The following CNTN6 variants were observed in gnomAD, a reference collection of about 807,000 sequenced individuals.
CNTN6 encodes the protein contactin 6.
In CNTN6, 137 loss-of-function variants were observed where a neutral mutation model predicts 122.8. That is an observed-to-expected ratio of 1.12 (90% confidence interval 0.97 to 1.29). The LOEUF (loss-of-function observed/expected upper bound fraction) is 1.29. CNTN6 is among the 50% of genes most tolerant of loss of function. CNTN6 has a pLI of 0.00. For synonymous variants in CNTN6, 570 were observed against 426.0 expected (o/e 1.34, Z -4.16); for missense variants, 1,634 against 1,223.4 (o/e 1.34, Z -5.01).
At chr3:1,097,415 T>C (rs74409048) in intron 1 of CNTN6, among the ~76,000 whole-genome samples, 5,453 of 152,296 alleles carry the variant, frequency 0.036, 335 homozygotes, top group African/African-American at 0.12. Flanking sequence ...TTCCCTATAT[T>C]TCAAATCCTT....
At chr3:1,295,294 T>A (rs1482042033) in intron 5 of CNTN6, among the ~76,000 whole-genome samples, 1 of 152,218 alleles carries the variant, frequency 6.6e-6, no homozygotes, top group Non-Finnish European at 1.5e-5. Flanking sequence ...ACAGTTATTA[T>A]TTTATACGTC....
chr3:1,307,553 T>C, intron 7 of CNTN6, among the ~76,000 whole-genome samples: 1 of 152,150 alleles, frequency 6.6e-6, no homozygotes, highest in East Asian at 1.9e-4. Context: ...CCAATACTGA[T>C]GTCTGATTAT....
At chr3:1,171,058 G>A (rs2093350211) in intron 2 of CNTN6, among the ~76,000 whole-genome samples, 1 of 152,190 alleles carries the variant, frequency 6.6e-6, no homozygotes, top group African/African-American at 2.4e-5. Context: ...AATGGCCAAT[G>A]CCATTGGCAA....
intron 1 of CNTN6, among the ~76,000 whole-genome samples, chr3:1,095,490 CAG>C (rs1405350293): frequency 6.6e-6 from 1 of 151,772 alleles, no homozygotes; most frequent in Non-Finnish European, 1.5e-5. Flanking sequence ...AACAAACAAA[CAG>C]AAAACAGAAA....
At chr3:1,116,082 A>G (rs1367878440) in intron 1 of CNTN6, among the ~76,000 whole-genome samples, 1 of 152,204 alleles carries the variant, frequency 6.6e-6, no homozygotes, top group Non-Finnish European at 1.5e-5. Flanking sequence ...TTCCAAAATT[A>G]TGTAAAATTT....
At position 1,402,327 on chromosome 3, in the gene CNTN6, C is replaced by G. The variant is rs199511327; in HGVS notation, c.2827C>G (p.Arg943Gly). Residue 943 changes from arginine (R) to glycine (G), a missense_variant, in exon 22 of 23, where the codon CGG (arginine) becomes GGG (glycine). By Grantham distance (125) the Arg-to-Gly change is moderately radical. Coordinates refer to ENST00000446702, the MANE Select transcript of CNTN6 (RefSeq NM_001289080.2). ...SEVLGYKILY[R>G]QNRQSKTHIL... ...ACCTCATTTTATTCAGATTCTGTAC[C>G]GGCAAAACAGACAGAGTAAAACTCA... 6.2e-7 allele frequency: 1 copy of G among 1,605,962 alleles called. No homozygotes were observed. Among genetic ancestry groups the G allele is most frequent in the Non-Finnish European group, 8.5e-7 (1 of 1,175,870 alleles).
chr3:1,244,282 G>T (rs1430761240), intron 4 of CNTN6, among the ~76,000 whole-genome samples: 2 of 152,166 alleles, frequency 1.3e-5, no homozygotes, highest in Non-Finnish European at 2.9e-5. Flanking sequence ...CCAGAGAAAA[G>T]AGAGCGTAGA....
chr3:1,289,651 C>T (rs1240464551), intron 5 of CNTN6, among the ~76,000 whole-genome samples: 2 of 146,984 alleles, frequency 1.4e-5, no homozygotes, highest in Non-Finnish European at 3.0e-5. Context: ...TGAGTTTTAT[C>T]TTTTGTTTTG....
intron 4 of CNTN6, among the ~76,000 whole-genome samples, chr3:1,254,279 A>G (rs1575436787): frequency 1.3e-5 from 2 of 152,130 alleles, no homozygotes; most frequent in East Asian, 3.9e-4. Flanking sequence ...GTCTTTGTTT[A>G]TAATATTTAT....
chr3:1,243,588 G>A (rs377385562), intron 4 of CNTN6, among the ~76,000 whole-genome samples: 7,403 of 149,560 alleles, frequency 0.049, 261 homozygotes, highest in East Asian at 0.13. Context: ...TTGCTGCCGA[G>A]CGAGCCATGA....
chr3:1,384,689 C>CAG (rs1692492622), intron 19 of CNTN6, among the ~76,000 whole-genome samples: 3 of 65,152 alleles, frequency 4.6e-5, no homozygotes, highest in Non-Finnish European at 9.4e-5. Flanking sequence ...TATATATATA[C>CAG]ACACACACAC....
At position 1,282,188 on chromosome 3, in the gene CNTN6, G is replaced by T. The variant is rs940549769; in HGVS notation, c.454+3680G>T. On this transcript the variant is annotated intron_variant, in intron 5 of 22. Transcript: ENST00000446702. ...TAATCAACAGAAACCAAATAAACAGGTACTTTTATAGAGCTGTCCTTTCTT... is the reference window on the plus strand; with the variant it reads ...TAATCAACAGAAACCAAATAAACAGTTACTTTTATAGAGCTGTCCTTTCTT... Among the ~76,000 whole-genome samples the T allele has an allele frequency of 8.6e-4, 131 of 152,108 alleles. 1 individual carries two copies. The highest frequency in any genetic ancestry group is 3.1e-3 in the African/African-American group (128 of 41,438).
intron 11 of CNTN6, among the ~76,000 whole-genome samples, chr3:1,348,109 C>T (rs919962161): frequency 7.3e-6 from 1 of 137,506 alleles, no homozygotes; most frequent in African/African-American, 2.9e-5. Flanking sequence ...ATCAATTAAT[C>T]CTCATGACTC....
chr3:1,112,098 C>T (rs1237023295), intron 1 of CNTN6, among the ~76,000 whole-genome samples: 2 of 152,078 alleles, frequency 1.3e-5, no homozygotes, highest in South Asian at 2.1e-4. Context: ...CTATATTATT[C>T]AGTTTATCAG....
intron 8 of CNTN6, among the ~76,000 whole-genome samples, 164 bp downstream of exon 8, chr3:1,321,998 C>T (rs1700929565): frequency 6.6e-6 from 1 of 150,898 alleles, no homozygotes; most frequent in African/African-American, 2.4e-5. Flanking sequence ...TGGGAATGAC[C>T]ACCTTTAAAA....
chr3:1,337,608 T>G lies in CNTN6; in HGVS notation c.1364+7673T>G, dbSNP rs558877209. 2.0e-5 allele frequency among the ~76,000 whole-genome samples: 3 copies of G among 152,282 alleles called. No individual in the cohort carries two copies. In the South Asian group the frequency reaches 6.2e-4, roughly 32 times the overall value. On this transcript the variant is annotated intron_variant, in intron 11 of 22. Transcript: ENST00000446702. Reference sequence around the variant, plus strand: ...CTTAGTACGTCAGGTAGCATGAGTATCAAACAGGCAAATGAACCATATGTT... The same window carrying G: ...CTTAGTACGTCAGGTAGCATGAGTAGCAAACAGGCAAATGAACCATATGTT...
chr3:1,200,841 T>C (rs1377351497), intron 2 of CNTN6, among the ~76,000 whole-genome samples: 1 of 152,170 alleles, frequency 6.6e-6, no homozygotes, highest in Non-Finnish European at 1.5e-5. Context: ...TTGACTTCTC[T>C]AAATACTCCT....
Position 1,355,033 on chromosome 3 carries a change from G to C in CNTN6, c.1492+2582G>C, listed in dbSNP as rs116706660. Among the ~76,000 whole-genome samples, 859 of 151,574 alleles carry C rather than the reference G, an allele frequency of 5.7e-3. 4 individuals are homozygous for C. Among genetic ancestry groups the C allele is most frequent in the African/African-American group, 0.02 (828 of 41,448 alleles). ...ACTCACATATACAAAAAGGGTACAT[G>C]ATAACATAACTGATGTCACTATGCC... On this transcript the variant is annotated intron_variant, in intron 12 of 22. Coordinates refer to ENST00000446702, the MANE Select transcript of CNTN6 (RefSeq NM_001289080.2).
At chr3:1,276,948 T>G (rs539532765) in intron 4 of CNTN6, among the ~76,000 whole-genome samples, 34 of 152,324 alleles carry the variant, frequency 2.2e-4, no homozygotes, top group African/African-American at 7.2e-4. Context: ...ATTGGCAATT[T>G]GGCAATTTAG....
Sources: gnomAD v4.1 joint callset for allele counts (sites outside exome capture counted in the v4.1 genomes callset) on GRCh38, gnomAD v4.1.1 for gene constraint, MANE v1.5 for transcripts, NCBI Gene and HGNC (gene_info 2026-07-23, HGNC 2026-07-21) for gene names.